TRAP1: variants seen among roughly 807,000 people sequenced by gnomAD.
TRAP1 encodes the protein TNF receptor associated protein 1, also known as heat shock protein 75 kDa, mitochondrial.
A neutral mutation model predicts 89.1 loss-of-function variants in TRAP1; 102 were observed. The ratio of observed to expected loss-of-function variants is 1.15; its 90% CI spans 0.98 to 1.35. TRAP1 has a LOEUF of 1.35. Among genes scored for constraint, TRAP1 ranks in the 40% most tolerant of loss-of-function variants. TRAP1 has a pLI of 0.00. For synonymous variants in TRAP1, 508 were observed against 388.0 expected (o/e 1.31, Z -3.64); for missense variants, 1,256 against 945.3 (o/e 1.33, Z -4.31).
intron 6 of TRAP1, chr16:3,676,992 G>C (rs2051006326): frequency 6.4e-6 from 1 of 155,228 alleles, no homozygotes; most frequent in Non-Finnish European, 1.4e-5. Context: ...AGGCGGAGGT[G>C]GCAGTGAGCC....
chr16:3,697,969 T>G (rs1206122291), intron 1 of TRAP1, among the ~76,000 whole-genome samples: 3 of 147,088 alleles, frequency 2.0e-5, no homozygotes, highest in Admixed American at 6.7e-5. Flanking sequence ...TTGTGTTTTT[T>G]TGTTTTTTTG....
At chr16:3,678,086 G>A (rs1014975165) in intron 5 of TRAP1, 2 of 167,908 alleles carry the variant, frequency 1.2e-5, no homozygotes, top group African/African-American at 4.8e-5. Context: ...AAAAAGAGTA[G>A]AAATCACGCG....
rs556864006 is a variant in TRAP1, at chr16:3,663,884, G to T, written c.1570-322C>A. On this transcript the variant is annotated intron_variant, in intron 13 of 17. Transcript: ENST00000246957. ...GTCAGGAGTTCGAGACCAACATGGT[G>T]AAATGCCGTCTCTATTAAAAATACA... The T allele has an allele frequency of 8.1e-6, 3 of 370,492 alleles. No homozygotes were observed. The East Asian group carries it at 1.6e-4, about 20-fold the overall frequency. 23.0% of individuals were successfully genotyped at this position (370,492 alleles called of 1,614,324 possible). A position where few individuals can be genotyped will look rare whatever the true frequency, so the allele number is the denominator to read the frequency against.
chr16:3,708,868 T>C (rs2151283857), intron 1 of TRAP1, among the ~76,000 whole-genome samples: 1 of 145,244 alleles, frequency 6.9e-6, no homozygotes, highest in African/African-American at 2.5e-5. Flanking sequence ...GAGGCTGGAG[T>C]GCAGTGGTGC....
At chr16:3,664,133 C>T (rs551840610) in intron 13 of TRAP1, 141 bp downstream of exon 13, 13 of 867,302 alleles carry the variant, frequency 1.5e-5, no homozygotes, top group Middle Eastern at 3.6e-4. Context: ...ACAGTCGGTC[C>T]GGCCTCTGTG....
chr16:3,685,962 G>A (rs775329400), intron 4 of TRAP1, 34 bp downstream of exon 4: 3 of 1,604,332 alleles, frequency 1.9e-6, no homozygotes, highest in Non-Finnish European at 2.6e-6. Flanking sequence ...TGCATGGCCG[G>A]GCCTGCCACA....
At chr16:3,661,195 G>A (rs1452053585) in intron 16 of TRAP1, 1 of 152,042 alleles carries the variant, frequency 6.6e-6, no homozygotes, top group African/African-American at 2.4e-5. Flanking sequence ...AGAATGTAAG[G>A]TACCAAAGGA....
At chr16:3,704,277 A>G (rs940717134) in intron 1 of TRAP1, 1 of 152,202 alleles carries the variant, frequency 6.6e-6, no homozygotes, top group Non-Finnish European at 1.5e-5. Context: ...CCTGGGAGGC[A>G]GAGGTTCAGT....
At chr16:3,696,724 ATTTT>A in intron 1 of TRAP1, among the ~76,000 whole-genome samples, 1 of 145,714 alleles carries the variant, frequency 6.9e-6, no homozygotes, top group East Asian at 2.0e-4. Context: ...CTCCTAGCTA[ATTTT>A]TTTTTTCTTT....
At chr16:3,715,362 C>T (rs1327128971) in intron 1 of TRAP1, among the ~76,000 whole-genome samples, 1 of 151,902 alleles carries the variant, frequency 6.6e-6, no homozygotes, top group Non-Finnish European at 1.5e-5. Context: ...GGCCTGAACC[C>T]GGGAGGCGGA....
intron 11 of TRAP1, among the ~76,000 whole-genome samples, chr16:3,667,439 C>T (rs2050851446): frequency 6.6e-6 from 1 of 151,818 alleles, no homozygotes; most frequent in Admixed American, 6.6e-5. Context: ...GCCTGGTCAA[C>T]ATGGTAAGCC....
Position 3,679,594 on chromosome 16 carries a change from G to A in TRAP1, c.543+125C>T. On this transcript the variant is annotated intron_variant, in intron 5 of 17. Coordinates refer to ENST00000246957, the MANE Select transcript of TRAP1 (RefSeq NM_016292.3). ...TGTCATGTCATGAGGTGTTCCCACA[G>A]TACCCACTGCGTGGCATGCAACTGA... 4 of 926,000 alleles carry A rather than the reference G, an allele frequency of 4.3e-6. No individual in the cohort carries two copies. In the South Asian group the frequency reaches 5.8e-5, roughly 13 times the overall value. 57.4% of individuals were successfully genotyped at this position (926,000 alleles called of 1,614,324 possible).
At chr16:3,677,860 A>G in intron 5 of TRAP1, 2 of 584,786 alleles carry the variant, frequency 3.4e-6, no homozygotes, top group Admixed American at 6.6e-5. Context: ...AGCTGGCAGC[A>G]GTGGGACAAG....
intron 1 of TRAP1, among the ~76,000 whole-genome samples, chr16:3,698,678 C>T (rs112455953): frequency 0.24 from 37,064 of 151,536 alleles, 5,853 homozygotes; most frequent in African/African-American, 0.46. Flanking sequence ...AGGCCAAGGC[C>T]GGGGGGTCGC....
chr16:3,674,280 G>A (rs2050955954), intron 9 of TRAP1, 59 bp downstream of exon 9: 1 of 1,593,198 alleles, frequency 6.3e-7, no homozygotes, highest in East Asian at 2.2e-5. Flanking sequence ...CTGCAGAGCT[G>A]ATGCCACAGG....
chr16:3,662,101 A>G lies in TRAP1; in HGVS notation c.1826T>C (p.Met609Thr), dbSNP rs1219143360. The change falls in exon 16 of 18, where the codon ATG (methionine) becomes ACG (threonine). Residue 609 changes from methionine (M) to threonine (T), a missense_variant. Met to Thr is a moderately conservative substitution (Grantham distance 81). Coordinates refer to ENST00000246957, the MANE Select transcript of TRAP1 (RefSeq NM_016292.3). ...AGCCCCCATCTCCAGCACGGTGACCATGGCAGGGTGGGTGTCCAGTCGGAG... is the reference window on the plus strand; with the variant it reads ...AGCCCCCATCTCCAGCACGGTGACCGTGGCAGGGTGGGTGTCCAGTCGGAG... ...VTLRLDTHPAMVTVLEMGAAR... is the reference protein window; with the variant it reads ...VTLRLDTHPATVTVLEMGAAR... The G allele has an allele frequency of 1.9e-6, 3 of 1,613,122 alleles. No homozygotes were observed. Among genetic ancestry groups the G allele is most frequent in the Middle Eastern group, 1.7e-4 (1 of 6,056 alleles).
At chr16:3,663,676 A>AACTGCCCCGGTGTTCC in intron 13 of TRAP1, 114 bp from the exon 14 acceptor site, 1 of 1,381,064 alleles carries the variant, frequency 7.2e-7, no homozygotes, top group Non-Finnish European at 9.8e-7. Context: ...ACTGGGGAAC[A>AACTGCCCCGGTGTTCC]CCGGGGCAGT....
rs1344878383 is a variant in TRAP1, at chr16:3,715,008, C to T, written c.88+2413G>A. ...CAATTTACCTTCCCATTCATCCACA[C>T]AGGTGACAATGACAAGGGCACCTGC... On this transcript the variant is annotated intron_variant, in intron 1 of 17. Coordinates refer to ENST00000246957, the MANE Select transcript of TRAP1 (RefSeq NM_016292.3). 6.6e-5 allele frequency among the ~76,000 whole-genome samples: 10 copies of T among 152,328 alleles called. No homozygotes were observed. In the East Asian group the frequency reaches 1.9e-3, roughly 29 times the overall value.
intron 11 of TRAP1, among the ~76,000 whole-genome samples, chr16:3,666,974 C>T (rs2050841040): frequency 6.6e-6 from 1 of 152,166 alleles, no homozygotes; most frequent in South Asian, 2.1e-4. Context: ...ATGGGAACAA[C>T]ACTCTCTCGA....
Sources: gnomAD v4.1 joint callset for allele counts (sites outside exome capture counted in the v4.1 genomes callset) on GRCh38, gnomAD v4.1.1 for gene constraint, MANE v1.5 for transcripts, NCBI Gene and HGNC (gene_info 2026-07-23, HGNC 2026-07-21) for gene names.